Variants in ZMYM2 observed in about 807,000 individuals in gnomAD.
ZMYM2 encodes zinc finger MYM-type protein 2.
In ZMYM2, 56 loss-of-function variants were observed where a neutral mutation model predicts 162.8. The observed-to-expected ratio is 0.34, with a 90% CI of 0.28 to 0.43. ZMYM2 has a LOEUF of 0.43. ZMYM2 is among the 20% of genes least tolerant of loss of function. The pLI is 1.00. For synonymous variants in ZMYM2, 510 were observed against 541.6 expected, an observed-to-expected ratio of 0.94 and a Z score of 0.81; for missense variants, 1,275 against 1,621.8, an observed-to-expected ratio of 0.79 and a Z score of 3.67.
Position 20,067,314 on chromosome 13 carries a change from T to G in ZMYM2, c.3377T>G (p.Val1126Gly). ...CTTAACTATGGGTTAGCTCATTTTG[T>G]CAATGAGATCCGACGGCCAAATGGA... ...AELNYGLAHF[V>G]NEIRRPNGEN... Residue 1126 changes from valine (V) to glycine (G), a missense_variant, in exon 21 of 25, where the codon GTC becomes GGC. By Grantham distance (109) the Val-to-Gly change is moderately radical. Transcript: ENST00000610343. The G allele has an allele frequency of 6.2e-7, 1 of 1,606,794 alleles. No homozygotes were observed. The highest frequency in any genetic ancestry group is 8.5e-7 in the Non-Finnish European group (1 of 1,176,444).
At chr13:19,955,122 T>C (rs1387810806), upstream of ZMYM2, among the ~76,000 whole-genome samples, 1 of 150,862 alleles carries the variant, frequency 6.6e-6, no homozygotes, top group African/African-American at 2.5e-5. Flanking sequence ...CCAAGACTAC[T>C]TGATTTAGTT....
At chr13:19,989,487 A>G (rs1283136454) in intron 2 of ZMYM2, among the ~76,000 whole-genome samples, 1 of 152,024 alleles carries the variant, frequency 6.6e-6, no homozygotes, top group East Asian at 1.9e-4. Context: ...TATTTTTAGT[A>G]GAGATGGGGT....
chr13:19,992,244 G>C (rs570424431), intron 2 of ZMYM2, among the ~76,000 whole-genome samples: 1 of 152,248 alleles, frequency 6.6e-6, no homozygotes, highest in East Asian at 1.9e-4. Flanking sequence ...GAGAATATGA[G>C]AAAAGTGGGT....
intron 2 of ZMYM2, among the ~76,000 whole-genome samples, chr13:19,987,562 C>G (rs959555374): frequency 4.7e-5 from 7 of 147,764 alleles, no homozygotes; most frequent in Admixed American, 2.0e-4. Flanking sequence ...CGCACCCGGG[C>G]GCCCCGCTAC....
the ZMYM2 span, among the ~76,000 whole-genome samples, chr13:19,927,118 A>G: frequency 3.3e-5 from 5 of 152,320 alleles, no homozygotes; most frequent in East Asian, 9.6e-4. Flanking sequence ...GACTTCTAGT[A>G]TATTTGTAGT....
At chr13:19,941,328 A>G in the ZMYM2 span, among the ~76,000 whole-genome samples, 1 of 151,840 alleles carries the variant, frequency 6.6e-6, no homozygotes, top group South Asian at 2.1e-4. Context: ...AAAACAAAAA[A>G]AAAAAAGAAA....
At chr13:20,060,970 A>T in intron 16 of ZMYM2, 83 bp from the exon 17 acceptor site, 1 of 1,317,886 alleles carries the variant, frequency 7.6e-7, no homozygotes, top group Admixed American at 2.3e-5. Flanking sequence ...TACAAAGTAG[A>T]TCATGTGTCA....
At chr13:19,882,155 C>T in the ZMYM2 span, among the ~76,000 whole-genome samples, 1 of 151,956 alleles carries the variant, frequency 6.6e-6, no homozygotes, top group Non-Finnish European at 1.5e-5. Flanking sequence ...ATACAAAAGC[C>T]GAGCAGTGAA....
At chr13:19,920,694 G>C in the ZMYM2 span, among the ~76,000 whole-genome samples, 4 of 151,732 alleles carry the variant, frequency 2.6e-5, no homozygotes, top group African/African-American at 9.7e-5. Flanking sequence ...GAGGAGGGGA[G>C]TTCATTAAAA....
At chr13:19,984,125 G>A (rs1948953745) in intron 2 of ZMYM2, among the ~76,000 whole-genome samples, 1 of 152,192 alleles carries the variant, frequency 6.6e-6, no homozygotes, top group Non-Finnish European at 1.5e-5. Context: ...TTTTGTTGAA[G>A]CACTTTGAAG....
chr13:19,960,974 A>G (rs1164862745), intron 2 of ZMYM2, among the ~76,000 whole-genome samples: 2 of 152,218 alleles, frequency 1.3e-5, no homozygotes, highest in Non-Finnish European at 2.9e-5. Context: ...GTGAAGGATG[A>G]TGTGAGAATA....
chr13:19,987,541 G>A (rs1949259146), intron 2 of ZMYM2, among the ~76,000 whole-genome samples: 1 of 151,888 alleles, frequency 6.6e-6, no homozygotes, highest in Non-Finnish European at 1.5e-5. Context: ...GGGATTACAG[G>A]CGTGAGGCAC....
chr13:19,917,999 G>A, the ZMYM2 span, among the ~76,000 whole-genome samples: 4 of 152,300 alleles, frequency 2.6e-5, no homozygotes, highest in East Asian at 7.7e-4. Flanking sequence ...GGAAGTTGCA[G>A]TGAGTCAAGA....
chr13:20,064,532 G>A lies in ZMYM2; in HGVS notation c.3119G>A (p.Arg1040Gln), dbSNP rs760585146. 23 of 1,576,138 alleles carry A rather than the reference G, an allele frequency of 1.5e-5. No homozygotes were observed. Among genetic ancestry groups the A allele is most frequent in the Admixed American group, 5.4e-5 (3 of 55,174 alleles). ...GEEYEEQPRP[R>Q]SKKKGAKRKA... ...GAATATGAGGAACAGCCCAGACCTC[G>A]ATCTAAAAAAAAGGTACATTCACTT... The change falls in exon 19 of 25, where the codon CGA becomes CAA. Residue 1040 changes from arginine (R) to glutamine (Q), a missense_variant. This residue lies in a region of ZMYM2 where 229 missense variants were observed against 283.8 expected (regional missense o/e 0.81). Coordinates refer to ENST00000610343, the MANE Select transcript of ZMYM2 (RefSeq NM_197968.4).
At chr13:19,986,783 A>G (rs1949181899) in intron 2 of ZMYM2, among the ~76,000 whole-genome samples, 1 of 152,068 alleles carries the variant, frequency 6.6e-6, no homozygotes, top group African/African-American at 2.4e-5. Flanking sequence ...AAGTAGAATC[A>G]TTATTATATC....
At chr13:20,074,959 C>T (rs896297777) in intron 21 of ZMYM2, among the ~76,000 whole-genome samples, 1 of 152,068 alleles carries the variant, frequency 6.6e-6, no homozygotes, top group East Asian at 1.9e-4. Context: ...CTACAGTTTA[C>T]CAAAATTTTT....
chr13:20,009,873 A>G (rs566369814), intron 6 of ZMYM2, among the ~76,000 whole-genome samples: 1 of 152,338 alleles, frequency 6.6e-6, no homozygotes, highest in Admixed American at 6.5e-5. Context: ...GCTGCAGTGA[A>G]TATTGGTGTA....
chr13:19,952,883 G>A, the ZMYM2 span, among the ~76,000 whole-genome samples: 1 of 152,188 alleles, frequency 6.6e-6, no homozygotes, highest in African/African-American at 2.4e-5. Flanking sequence ...CACAGCTCAT[G>A]TTGAAATGTA....
chr13:19,958,725 T>A (rs528228893), upstream of ZMYM2: 2 of 146,432 alleles, frequency 1.4e-5, no homozygotes, highest in African/African-American at 5.2e-5. Flanking sequence ...CTCCTCCGCC[T>A]CCTCCTCCTC....
Sources: gnomAD v4.1 joint callset for allele counts (sites outside exome capture counted in the v4.1 genomes callset) on GRCh38, gnomAD v4.1.1 for gene constraint, gnomAD v4.1.1 regional missense constraint, MANE v1.5 for transcripts, NCBI Gene and HGNC (gene_info 2026-07-23, HGNC 2026-07-21) for gene names.